Variants in SENP1 observed in about 807,000 individuals in gnomAD.
SENP1 encodes the protein sentrin-specific protease 1.
A neutral mutation model predicts 93.0 loss-of-function variants in SENP1; 21 were observed. The observed-to-expected ratio is 0.23, with a 90% CI of 0.16 to 0.33. The LOEUF (loss-of-function observed/expected upper bound fraction) is 0.33, where lower values mean the gene tolerates loss of function less well. SENP1 is among the 10% of genes least tolerant of loss of function. The pLI, the probability that SENP1 is intolerant of heterozygous loss-of-function variation, is 1.00. For missense variants in SENP1, 591 were observed against 758.7 expected (o/e 0.78, Z 2.60); for synonymous variants, 256 against 259.6 (o/e 0.99, Z 0.13).
chr12:48,061,796 T>C (rs1324818005), intron 13 of SENP1, among the ~76,000 whole-genome samples: 1 of 152,184 alleles, frequency 6.6e-6, no homozygotes, highest in Non-Finnish European at 1.5e-5. Context: ...GCAGTAACTT[T>C]GAAAGCCTAC....
At chr12:48,075,632 T>C (rs183396427) in intron 6 of SENP1, among the ~76,000 whole-genome samples, 109 of 152,320 alleles carry the variant, frequency 7.2e-4, no homozygotes, top group Admixed American at 2.0e-3. Context: ...GTGAAAACCA[T>C]ATACTTCCTA....
rs188149553 is a variant in SENP1 at position 48,087,164 on chromosome 12, T to A, written c.380+1637A>T. On this transcript the variant is annotated intron_variant, in intron 5 of 17. Coordinates refer to ENST00000549518, the MANE Select transcript of SENP1 (RefSeq NM_001267594.2). ...ACTAACTATAAAAGATACTTTTGGGTCAACTGAGAAAATTTAAATATGACT... is the reference window on the plus strand; with the variant it reads ...ACTAACTATAAAAGATACTTTTGGGACAACTGAGAAAATTTAAATATGACT... Among the ~76,000 whole-genome samples the A allele has an allele frequency of 7.2e-4, 110 of 152,270 alleles. 1 individual carries two copies. Among genetic ancestry groups the A allele is most frequent in the African/African-American group, 2.3e-3 (96 of 41,560 alleles).
chr12:48,088,274 G>A (rs1476447166), intron 5 of SENP1, among the ~76,000 whole-genome samples: 1 of 151,936 alleles, frequency 6.6e-6, no homozygotes, highest in African/African-American at 2.4e-5. Context: ...AGGCTAGTCT[G>A]GAACTCCTGA....
intron 6 of SENP1, among the ~76,000 whole-genome samples, chr12:48,079,494 G>A (rs953473317): frequency 5.9e-5 from 9 of 152,018 alleles, no homozygotes; most frequent in African/African-American, 1.7e-4. Flanking sequence ...ACAAGACTCC[G>A]TCTCAAATAA....
chr12:48,073,274 T>C (rs541522179), intron 8 of SENP1, among the ~76,000 whole-genome samples: 1 of 144,994 alleles, frequency 6.9e-6, no homozygotes, highest in South Asian at 2.1e-4. Context: ...GGAGTTTGGG[T>C]TTTTTGGCTT....
Position 48,074,707 on chromosome 12 carries a change from T to C in SENP1, c.639A>G (p.Thr213=). The C allele has an allele frequency of 6.2e-7, 1 of 1,613,158 alleles. No homozygotes were observed. Among genetic ancestry groups the C allele is most frequent in the Non-Finnish European group, 8.5e-7 (1 of 1,179,380 alleles). The change falls in exon 7 of 18, where the codon ACA becomes ACG. Residue 213 remains threonine, a synonymous_variant. Transcript: ENST00000549518. The part of the protein sequence containing the change: ...GKQFTIAKPT[T]HFPLHLSRCL... ...TGACTCACAGGTGTAAAGGAAAATG[T>C]GTGGTGGGTTTGGCTATAGTAAACT...
chr12:48,055,514 A>G (rs1942171909), intron 13 of SENP1: 1 of 152,076 alleles, frequency 6.6e-6, no homozygotes, highest in African/African-American at 2.4e-5. Flanking sequence ...CCTGCCCACC[A>G]GCTTCCCTTA....
At chr12:48,061,247 C>T (rs913054812) in intron 13 of SENP1, among the ~76,000 whole-genome samples, 3 of 151,964 alleles carry the variant, frequency 2.0e-5, no homozygotes, top group African/African-American at 7.3e-5. Context: ...GTATCAGTCA[C>T]CTATTTTGGA....
chr12:48,066,727 G>C (rs1170549317), intron 10 of SENP1, among the ~76,000 whole-genome samples, 200 bp downstream of exon 10: 1 of 152,068 alleles, frequency 6.6e-6, no homozygotes, highest in East Asian at 1.9e-4. Flanking sequence ...GGCCAGGCTG[G>C]TCTTGAACTC....
Position 48,106,009 on chromosome 12 carries a change from G to A in SENP1, c.-45+19C>T. On this transcript the variant is annotated intron_variant, in intron 1 of 17. Transcript: ENST00000549518. ...TCCCTCCATCCTCACCCCTCCCCCA[G>A]CTTCCCGCCGCCACTCACCGAACCG... 2.9e-6 allele frequency: 2 copies of A among 700,960 alleles called. No homozygotes were observed. The highest frequency in any genetic ancestry group is 5.2e-6 in the Non-Finnish European group (2 of 384,702). The allele number at this position is 700,960 out of a possible 1,614,324, so 43.4% of individuals were successfully genotyped here. A position where few individuals can be genotyped will look rare whatever the true frequency, so the allele number is the denominator to read the frequency against.
At chr12:48,103,451 G>A (rs150177048) in intron 1 of SENP1, among the ~76,000 whole-genome samples, 311 of 152,120 alleles carry the variant, frequency 2.0e-3, no homozygotes, top group Non-Finnish European at 3.3e-3. Context: ...ACTAACCCTG[G>A]GGAATCCACA....
At chr12:48,069,152 C>CAAAAAAAAAAAAAAAAAA (rs10564674) in intron 9 of SENP1, among the ~76,000 whole-genome samples, 4 of 76,338 alleles carry the variant, frequency 5.2e-5, no homozygotes, top group African/African-American at 1.7e-4. Context: ...GACTCTGTCA[C>CAAAAAAAAAAAAAAAAAA]AAAAAAAAAA....
chr12:48,084,274 T>C (rs1944680536), intron 5 of SENP1, among the ~76,000 whole-genome samples: 1 of 152,130 alleles, frequency 6.6e-6, no homozygotes, highest in African/African-American at 2.4e-5. Flanking sequence ...CTCCCATCCT[T>C]CATTAAAAAC....
At chr12:48,072,915 G>A (rs1943809879) in intron 8 of SENP1, among the ~76,000 whole-genome samples, 1 of 151,814 alleles carries the variant, frequency 6.6e-6, no homozygotes, top group African/African-American at 2.4e-5. Flanking sequence ...CACAGATAAG[G>A]GGGAACTACT....
At chr12:48,055,434 T>G (rs977690555) in intron 13 of SENP1, 2 of 152,332 alleles carry the variant, frequency 1.3e-5, no homozygotes, top group African/African-American at 4.8e-5. Context: ...TCCACAATTA[T>G]GGGCTTGGTC....
At chr12:48,105,144 T>C (rs1946401539) in intron 1 of SENP1, 5 of 254,852 alleles carry the variant, frequency 2.0e-5, no homozygotes, top group Admixed American at 9.2e-5. Context: ...TAGTTGGTAG[T>C]AGATAAAAGG....
intron 3 of SENP1, 177 bp downstream of exon 3, chr12:48,097,817 T>C: frequency 1.8e-6 from 1 of 547,564 alleles, no homozygotes; most frequent in East Asian, 3.1e-5. Context: ...TATTTTGTCT[T>C]AACGTCCTTG....
At chr12:48,097,941 C>G in intron 3 of SENP1, 53 bp downstream of exon 3, 1 of 1,547,130 alleles carries the variant, frequency 6.5e-7, no homozygotes, top group Non-Finnish European at 8.8e-7. Context: ...AAGATGAAAA[C>G]TTATGATGAG....
At chr12:48,084,738 G>A (rs562871020) in intron 5 of SENP1, among the ~76,000 whole-genome samples, 2 of 152,188 alleles carry the variant, frequency 1.3e-5, no homozygotes, top group East Asian at 3.9e-4. Context: ...GTGAGCCACA[G>A]CACCCAGCCA....
Sources: gnomAD v4.1 joint callset for allele counts (sites outside exome capture counted in the v4.1 genomes callset) on GRCh38, gnomAD v4.1.1 for gene constraint, MANE v1.5 for transcripts, NCBI Gene and HGNC (gene_info 2026-07-23, HGNC 2026-07-21) for gene names.